HTR7: variants seen among roughly 807,000 people sequenced by gnomAD.
The protein encoded by HTR7 is 5-HT-7.
HTR7 carries 16 observed loss-of-function variants against 34.0 expected under a neutral mutation model. That is an observed-to-expected ratio of 0.47 (90% CI 0.32 to 0.71). HTR7 has a LOEUF of 0.71. Ranked by LOEUF, HTR7 falls within the 30% of genes least tolerant of loss-of-function variation. The probability of loss-of-function intolerance (pLI) is 0.04; values close to 1 mark genes in which losing one functional copy is unlikely to be tolerated. For synonymous variants in HTR7, 265 were observed against 260.2 expected (o/e 1.02, Z -0.18); for missense variants, 504 against 625.5 (o/e 0.81, Z 2.07).
chr10:90,851,548 T>TGA (rs1846499831), intron 1 of HTR7, among the ~76,000 whole-genome samples: 1 of 132,090 alleles, frequency 7.6e-6, no homozygotes, highest in South Asian at 2.3e-4. Context: ...GAGCTTGCAG[T>TGA]GAGCTGAGAT....
In HTR7 at chr10:90,749,492, G is replaced by A. The variant is rs1844700275; in HGVS notation, c.642C>T (p.Thr214=). The A allele has an allele frequency of 1.9e-6, 3 of 1,614,076 alleles. No individual in the cohort carries two copies. The highest frequency in any genetic ancestry group is 1.7e-6 in the Non-Finnish European group (2 of 1,180,042). ...GAGCCCATCCAAAGAGTGGAGGTAA[G>A]GTGATGGAGGCGGAGAGAAGCCAGA... is the stretch of plus-strand genomic sequence containing the variant. ...LSVWLLSASI[T]LPPLFGWAQN... is the part of the protein sequence containing the mutation. Residue 214 remains threonine, a synonymous_variant, in exon 2 of 4, where the codon ACC becomes ACT. Transcript: ENST00000336152. This position sits in a 1 kb window ranked among gnomAD's most constrained non-coding sequence, Gnocchi z 4.2.
At chr10:90,776,979 T>A (rs1845224574) in intron 1 of HTR7, among the ~76,000 whole-genome samples, 1 of 152,172 alleles carries the variant, frequency 6.6e-6, no homozygotes. Context: ...AGCAATTAAT[T>A]CTGTAGAATA....
chr10:90,791,662 G>A (rs900727017), intron 1 of HTR7, among the ~76,000 whole-genome samples: 2 of 152,046 alleles, frequency 1.3e-5, no homozygotes, highest in Non-Finnish European at 2.9e-5. Context: ...TGTCAAATGA[G>A]CCCAGAGAAG....
chr10:90,836,187 C>T (rs1206750803), intron 1 of HTR7, among the ~76,000 whole-genome samples: 2 of 152,288 alleles, frequency 1.3e-5, no homozygotes, highest in African/African-American at 4.8e-5. Flanking sequence ...TCAATAAACA[C>T]ATAGGGTGCT....
chr10:90,794,031 C>A (rs999907919), intron 1 of HTR7, among the ~76,000 whole-genome samples: 8 of 152,126 alleles, frequency 5.3e-5, no homozygotes, highest in African/African-American at 1.9e-4. Flanking sequence ...TCCCAGTCCA[C>A]TGACTCAAAT....
At chr10:90,809,339 T>C (rs558311254) in intron 1 of HTR7, among the ~76,000 whole-genome samples, 31 of 152,306 alleles carry the variant, frequency 2.0e-4, no homozygotes, top group African/African-American at 7.5e-4. Flanking sequence ...GTTTAGGCTC[T>C]TTTTCATCAA....
intron 1 of HTR7, among the ~76,000 whole-genome samples, chr10:90,791,171 T>C (rs1189538644): frequency 1.3e-5 from 2 of 151,990 alleles, no homozygotes; most frequent in Non-Finnish European, 2.9e-5. Context: ...AATTTCTAGG[T>C]GGGACACAAA....
chr10:90,820,522 A>G (rs940677750), intron 1 of HTR7, among the ~76,000 whole-genome samples: 1 of 152,202 alleles, frequency 6.6e-6, no homozygotes. Context: ...TTCTTGAGTT[A>G]ACCCTTTGGA....
intron 1 of HTR7, among the ~76,000 whole-genome samples, chr10:90,758,682 A>T (rs1203839235): frequency 6.6e-6 from 1 of 152,172 alleles, no homozygotes; most frequent in Non-Finnish European, 1.5e-5. Context: ...CACATAACAT[A>T]GTTGGGAAAA....
intron 1 of HTR7, among the ~76,000 whole-genome samples, chr10:90,855,185 TACC>T (rs1332279596): frequency 6.6e-6 from 1 of 152,226 alleles, no homozygotes; most frequent in African/African-American, 2.4e-5. Context: ...ATGCCTATGT[TACC>T]ACAATTTGTG....
At chr10:90,780,172 A>G (rs113482538) in intron 1 of HTR7, among the ~76,000 whole-genome samples, 2,603 of 152,288 alleles carry the variant, frequency 0.017, 86 homozygotes, top group African/African-American at 0.058. Flanking sequence ...CTTGAGGTCA[A>G]GGGTTCAAGA....
intron 1 of HTR7, among the ~76,000 whole-genome samples, chr10:90,834,702 A>G (rs1846228333): frequency 1.3e-5 from 2 of 152,228 alleles, no homozygotes; most frequent in South Asian, 2.1e-4. Flanking sequence ...GCTTCTTCAC[A>G]TGGTAGCTAG....
At chr10:90,803,056 CA>C (rs558506088) in intron 1 of HTR7, among the ~76,000 whole-genome samples, 66 of 146,262 alleles carry the variant, frequency 4.5e-4, no homozygotes, top group African/African-American at 1.2e-3. Context: ...GCAGCAGATC[CA>C]TATGGGCCTA....
At chr10:90,830,840 C>T (rs1302881117) in intron 1 of HTR7, among the ~76,000 whole-genome samples, 4 of 150,182 alleles carry the variant, frequency 2.7e-5, no homozygotes, top group African/African-American at 4.9e-5. Context: ...AGTTACGATG[C>T]TCCACAAAAA....
intron 1 of HTR7, among the ~76,000 whole-genome samples, chr10:90,801,439 A>T (rs898212903): frequency 1.3e-5 from 2 of 152,092 alleles, no homozygotes; most frequent in Non-Finnish European, 1.5e-5. Flanking sequence ...TCAATATTTT[A>T]CCCCCCAAAA....
intron 1 of HTR7, among the ~76,000 whole-genome samples, chr10:90,842,893 C>A (rs1373527065): frequency 6.6e-5 from 10 of 152,138 alleles, no homozygotes; most frequent in Admixed American, 6.5e-4. Context: ...AGTAACTCAC[C>A]AGCCTACTAT....
chr10:90,828,234 A>G (rs1346175789), intron 1 of HTR7, among the ~76,000 whole-genome samples: 1 of 152,258 alleles, frequency 6.6e-6, no homozygotes, highest in Non-Finnish European at 1.5e-5. Context: ...AGAAGTTTAT[A>G]GTTATAAGTG....
chr10:90,814,595 G>A (rs932414232), intron 1 of HTR7, among the ~76,000 whole-genome samples: 1 of 152,152 alleles, frequency 6.6e-6, no homozygotes, highest in Non-Finnish European at 1.5e-5. Context: ...GGTGAAGAAA[G>A]AAAACAATGA....
chr10:90,772,719 C>A (rs772045435), intron 1 of HTR7, among the ~76,000 whole-genome samples: 2 of 152,048 alleles, frequency 1.3e-5, no homozygotes, highest in Non-Finnish European at 2.9e-5. Flanking sequence ...CTTTTATGCC[C>A]AGAATAAGTA....
Sources: gnomAD v4.1 joint callset for allele counts (sites outside exome capture counted in the v4.1 genomes callset) on GRCh38, gnomAD v4.1.1 for gene constraint, Gnocchi (gnomAD v3.1) non-coding constraint, MANE v1.5 for transcripts, NCBI Gene and HGNC (gene_info 2026-07-23, HGNC 2026-07-21) for gene names.